The following AHNAK variants were observed in gnomAD, a reference collection of about 807,000 sequenced individuals.
The protein encoded by AHNAK is neuroblast differentiation-associated protein AHNAK.
AHNAK carries 23 observed loss-of-function variants against 37.8 expected under a neutral mutation model. That is an observed-to-expected ratio of 0.61 (90% CI 0.44 to 0.86). The LOEUF is 0.86. Ranked by LOEUF, AHNAK falls within the 40% of genes least tolerant of loss-of-function variation. The pLI is 0.00. For missense variants in AHNAK, 7,411 were observed against 7,319.4 expected (o/e 1.01, Z -0.46); for synonymous variants, 2,481 against 2,636.3 (o/e 0.94, Z 1.80).
rs755259368 is a variant in AHNAK, at chr11:62,529,173, C to T, written c.5244G>A (p.Val1748=). 32 of 1,614,066 alleles carry T rather than the reference C, an allele frequency of 2.0e-5. No homozygotes were observed. In the East Asian group the frequency reaches 6.7e-4, roughly 34 times the overall value. Residue 1748 remains valine, a synonymous_variant, in exon 5 of 5, where the codon GTG becomes GTA. Transcript: ENST00000378024. ...TATCCAAATCAGGAGCATCAGTGTCCACACTGGGTCCAGACACATCAATGT... is the reference window on the plus strand; with the variant it reads ...TATCCAAATCAGGAGCATCAGTGTCTACACTGGGTCCAGACACATCAATGT... ...KADIDVSGPS[V]DTDAPDLDIE...
At position 62,533,144 on chromosome 11, in the gene AHNAK, G is replaced by C. The variant is rs566027355; in HGVS notation, c.1273C>G (p.Pro425Ala). 1 of 1,546,944 alleles carries C rather than the reference G, an allele frequency of 6.5e-7. No homozygotes were observed. Among genetic ancestry groups the C allele is most frequent in the Non-Finnish European group, 8.7e-7 (1 of 1,153,024 alleles). Reference protein sequence around the residue: ...VQAPDIDVQGPGSKLNVPKMK... With the variant: ...VQAPDIDVQGAGSKLNVPKMK... The stretch of plus-strand genomic sequence containing the variant: ...TTGGGCACATTCAGTTTGCTCCCAG[G>C]CCCCTGAACATCAATGTCAGGGGCC... The change falls in exon 5 of 5, where the codon CCT becomes GCT. Residue 425 changes from proline (P) to alanine (A), a missense_variant. Transcript: ENST00000378024.
rs1404980674 is a variant in AHNAK at position 62,523,095 on chromosome 11, G to A, written c.11322C>T (p.Leu3774=). The A allele has an allele frequency of 6.2e-7, 1 of 1,611,238 alleles. No individual in the cohort carries two copies. Among genetic ancestry groups the A allele is most frequent in the Non-Finnish European group, 8.5e-7 (1 of 1,179,130 alleles). ...DVSLPKMEGD[L]KGPEVDIKGP... is the part of the protein sequence containing the mutation. ...CCTTGATGTCAACTTCAGGACCCTTGAGGTCACCTTCCATTTTGGGCAGAG... is the reference window on the plus strand; with the variant it reads ...CCTTGATGTCAACTTCAGGACCCTTAAGGTCACCTTCCATTTTGGGCAGAG... The change falls in exon 5 of 5, where the codon CTC becomes CTT. Residue 3774 remains leucine, a synonymous_variant. Coordinates refer to ENST00000378024, the MANE Select transcript of AHNAK (RefSeq NM_001620.3).
intron 5 of AHNAK, among the ~76,000 whole-genome samples, chr11:62,458,206 C>T (rs1459520932): frequency 6.6e-6 from 1 of 152,172 alleles, no homozygotes; most frequent in Admixed American, 6.5e-5. Flanking sequence ...GCGTGAGCCA[C>T]TGCACTGGGC....
chr11:62,535,576 A>T (rs1940917176), intron 3 of AHNAK, among the ~76,000 whole-genome samples: 1 of 151,590 alleles, frequency 6.6e-6, no homozygotes. Context: ...TGAACCCAGG[A>T]GGCGGAGGTT....
chr11:62,491,622 T>C (rs1319793475), intron 5 of AHNAK: 4 of 1,036,460 alleles, frequency 3.9e-6, no homozygotes, highest in Non-Finnish European at 5.7e-6. Flanking sequence ...CTGAGCCATA[T>C]CCTTCCACGT....
At chr11:62,480,532 G>A (rs887009700) in intron 5 of AHNAK, among the ~76,000 whole-genome samples, 1 of 151,966 alleles carries the variant, frequency 6.6e-6, no homozygotes, top group Admixed American at 6.6e-5. Context: ...ACGGTGGCGG[G>A]TGCCTGTAAT....
chr11:62,521,938 C>T lies in AHNAK; in HGVS notation c.12479G>A (p.Gly4160Asp), dbSNP rs754735767. ...SLPKVEGDLK[G>D]PEVDIKGPKV... ...GGGGCCCTTGATGTCAACTTCAGGG[C>T]CCTTGAGGTCGCCTTCCACTTTGGG... The change falls in exon 5 of 5, where the codon GGC becomes GAC. Residue 4160 changes from glycine to aspartate, a missense_variant. Transcript: ENST00000378024. 1 of 1,605,314 alleles carries T rather than the reference C, an allele frequency of 6.2e-7. No individual in the cohort carries two copies. The highest frequency in any genetic ancestry group is 1.7e-5 in the Admixed American group (1 of 59,064).
chr11:62,473,266 G>A (rs946990345), intron 5 of AHNAK, among the ~76,000 whole-genome samples: 16 of 149,842 alleles, frequency 1.1e-4, no homozygotes, highest in Admixed American at 8.0e-4. Context: ...GCATGGTGGC[G>A]GGCACCTGTA....
Position 62,525,188 on chromosome 11 carries a change from G to A in AHNAK, c.9229C>T (p.Pro3077Ser), listed in dbSNP as rs754457445. The change falls in exon 5 of 5, where the codon CCC (proline) becomes TCC (serine). Residue 3077 changes from proline (P) to serine (S), a missense_variant. By Grantham distance (74) the Pro-to-Ser change is moderately conservative. Coordinates refer to ENST00000378024, the MANE Select transcript of AHNAK (RefSeq NM_001620.3). ...IEGPEGKLKG[P>S]KFKMPEMNIK... ...TTCATCTCAGGCATTTTGAATTTGG[G>A]ACCTTTCAACTTTCCCTCTGGGCCT... 1.2e-6 allele frequency: 2 copies of A among 1,611,894 alleles called. No homozygotes were observed. The highest frequency in any genetic ancestry group is 1.7e-5 in the Admixed American group (1 of 59,736).
At position 62,519,679 on chromosome 11, in the gene AHNAK, G is replaced by A. The variant is rs754050600; in HGVS notation, c.14738C>T (p.Ala4913Val). ...SLKMPSLEIS[A>V]PKVTAPDVDL... ...AACATCAGGAGCAGTTACTTTAGGA[G>A]CAGATATCTCCAGCGATGGCATCTT... The change falls in exon 5 of 5, where the codon GCT becomes GTT. Residue 4913 changes from alanine (A) to valine (V), a missense_variant. Ala to Val is a moderately conservative substitution (Grantham distance 64). Coordinates refer to ENST00000378024, the MANE Select transcript of AHNAK (RefSeq NM_001620.3). 5 of 1,614,040 alleles carry A rather than the reference G, an allele frequency of 3.1e-6. No homozygotes were observed. In the South Asian group the frequency reaches 4.4e-5, roughly 14 times the overall value.
chr11:62,479,877 A>G (rs889154326), intron 5 of AHNAK, among the ~76,000 whole-genome samples: 13 of 152,178 alleles, frequency 8.5e-5, no homozygotes, highest in African/African-American at 3.1e-4. Flanking sequence ...GGCTTTAGGG[A>G]ATATTCATAT....
At position 62,522,780 on chromosome 11, in the gene AHNAK, A is replaced by G. The variant is rs1940312239; in HGVS notation, c.11637T>C (p.Asp3879=). The part of the protein sequence containing the change: ...KAPKISMPDI[D]LNLKGPKVKG... ...TCACTTTGGGTCCTTTCAGGTTAAG[A>G]TCAATGTCAGGCATGGAGATCTTGG... is the stretch of plus-strand genomic sequence containing the variant. Residue 3879 remains aspartate, a synonymous_variant, in exon 5 of 5, where the codon GAT becomes GAC. Transcript: ENST00000378024. 1 of 1,613,046 alleles carries G rather than the reference A, an allele frequency of 6.2e-7. No individual in the cohort carries two copies. The highest frequency in any genetic ancestry group is 8.5e-7 in the Non-Finnish European group (1 of 1,179,848).
At chr11:62,436,331 A>G (rs1011418259) in intron 5 of AHNAK, among the ~76,000 whole-genome samples, 9 of 152,142 alleles carry the variant, frequency 5.9e-5, no homozygotes, top group Admixed American at 2.6e-4. Flanking sequence ...AGCAGGCAAC[A>G]CAGAGAGCTT....
intron 5 of AHNAK, among the ~76,000 whole-genome samples, chr11:62,463,471 G>T (rs535481981): frequency 8.6e-5 from 13 of 151,910 alleles, no homozygotes; most frequent in African/African-American, 2.7e-4. Flanking sequence ...CCAGCCTCCA[G>T]CCTCCAGCCT....
chr11:62,469,621 C>A (rs1286738489), intron 5 of AHNAK, among the ~76,000 whole-genome samples: 1 of 151,878 alleles, frequency 6.6e-6, no homozygotes, highest in African/African-American at 2.4e-5. Context: ...TTTGCCACTA[C>A]ACCCAGATAA....
chr11:62,528,042 G>C lies in AHNAK; in HGVS notation c.6375C>G (p.His2125Gln). ...PKISMPDVDL[H>Q]LKGPKVKGDV... is the part of the protein sequence containing the mutation. ...CCCCTTTGACTTTGGGGCCTTTCAA[G>C]TGTAAGTCCACATCAGGCATGGAGA... Residue 2125 changes from histidine (H) to glutamine (Q), a missense_variant, in exon 5 of 5, where the codon CAC becomes CAG. His to Gln is a conservative substitution (Grantham distance 24). Transcript: ENST00000378024. The C allele has an allele frequency of 2.5e-6, 4 of 1,613,774 alleles. No individual in the cohort carries two copies. In the Middle Eastern group the frequency reaches 6.6e-4, roughly 266 times the overall value.
rs1432546460 is a variant in AHNAK, at chr11:62,526,947, C to G, written c.7470G>C (p.Arg2490Ser). Reference protein sequence around the residue: ...GKLEVPDMNIRGPKVDVNAPD... With the variant: ...GKLEVPDMNISGPKVDVNAPD... ...GGGCATTTACATCAACTTTGGGGCCCCTGATGTTCATATCTGGTACTTCAA... is the reference window on the plus strand; with the variant it reads ...GGGCATTTACATCAACTTTGGGGCCGCTGATGTTCATATCTGGTACTTCAA... The change falls in exon 5 of 5, where the codon AGG (arginine) becomes AGC (serine). Residue 2490 changes from arginine to serine, a missense_variant. Coordinates refer to ENST00000378024, the MANE Select transcript of AHNAK (RefSeq NM_001620.3). The G allele has an allele frequency of 6.2e-7, 1 of 1,614,180 alleles. No individual in the cohort carries two copies. The highest frequency in any genetic ancestry group is 1.1e-5 in the South Asian group (1 of 91,084).
chr11:62,467,442 T>A (rs532485040), intron 5 of AHNAK, among the ~76,000 whole-genome samples: 100 of 152,292 alleles, frequency 6.6e-4, no homozygotes, highest in Non-Finnish European at 1.1e-3. Context: ...CCCAGCACTT[T>A]GGGAGGCCGA....
At position 62,520,094 on chromosome 11, in the gene AHNAK, C is replaced by A; in HGVS notation, c.14323G>T (p.Asp4775Tyr). 1 of 1,612,106 alleles carries A rather than the reference C, an allele frequency of 6.2e-7. No individual in the cohort carries two copies. Among genetic ancestry groups the A allele is most frequent in the Non-Finnish European group, 8.5e-7 (1 of 1,179,542 alleles). Residue 4775 changes from aspartate (D) to tyrosine (Y), a missense_variant, in exon 5 of 5, where the codon GAC becomes TAC. Asp to Tyr is a radical substitution (Grantham distance 160). Transcript: ENST00000378024. ...ACCTTGGGCATCTTCAGGTGCCAGT[C>A]TGGGCCATGAACATCCACATCAGGG... ...NTPDVDVHGP[D>Y]WHLKMPKVKM...
Sources: gnomAD v4.1 joint callset for allele counts (sites outside exome capture counted in the v4.1 genomes callset) on GRCh38, gnomAD v4.1.1 for gene constraint, MANE v1.5 for transcripts, NCBI Gene and HGNC (gene_info 2026-07-23, HGNC 2026-07-21) for gene names.